PHF21B: variants seen among roughly 807,000 people sequenced by gnomAD.
PHF21B encodes PHD finger protein 4.
Under a neutral mutation model 62.2 loss-of-function variants are expected in PHF21B, and 22 were observed. The ratio of observed to expected loss-of-function variants is 0.35; its 90% CI spans 0.25 to 0.51. The LOEUF is 0.51. PHF21B is among the 20% of genes least tolerant of loss of function. The probability of loss-of-function intolerance (pLI) is 0.97; values close to 1 mark genes in which losing one functional copy is unlikely to be tolerated. For synonymous variants in PHF21B, 341 were observed against 314.7 expected (o/e 1.08, Z -0.88); for missense variants, 701 against 707.9 (o/e 0.99, Z 0.11).
rs138105828 is a variant in PHF21B, at chr22:44,902,875, C to A, written c.832-6792G>T. Among the ~76,000 whole-genome samples, 105 of 152,246 alleles carry A rather than the reference C, an allele frequency of 6.9e-4. 1 individual carries two copies. Among genetic ancestry groups the A allele is most frequent in the African/African-American group, 2.4e-3 (99 of 41,548 alleles). ...AACATAACTAAATGAGCTGAATTTT[C>A]CCATACTGGAGATTTGTAGCAGGTG... On this transcript the variant is annotated intron_variant, in intron 5 of 12. Coordinates refer to ENST00000313237, the MANE Select transcript of PHF21B (RefSeq NM_138415.5).
At chr22:44,895,357 G>T (rs1456473972) in intron 6 of PHF21B, among the ~76,000 whole-genome samples, 1 of 152,134 alleles carries the variant, frequency 6.6e-6, no homozygotes, top group Non-Finnish European at 1.5e-5. Flanking sequence ...TGATGTTCAC[G>T]GCCCATGTGA....
intron 12 of PHF21B, among the ~76,000 whole-genome samples, chr22:44,883,591 C>T (rs2070776073): frequency 6.6e-6 from 1 of 152,168 alleles, no homozygotes; most frequent in Non-Finnish European, 1.5e-5. Flanking sequence ...GCTGCCCACA[C>T]TCTTCCTCCT....
intron 12 of PHF21B, 66 bp downstream of exon 12, chr22:44,885,360 C>T: frequency 7.1e-7 from 1 of 1,418,390 alleles, no homozygotes; most frequent in Non-Finnish European, 9.5e-7. Context: ...ACACATCTAT[C>T]TGTCCCCTAG....
intron 2 of PHF21B, among the ~76,000 whole-genome samples, chr22:44,992,947 T>C (rs1025486229): frequency 6.6e-6 from 1 of 152,202 alleles, no homozygotes; most frequent in Non-Finnish European, 1.5e-5. Context: ...ATGCAGGGAC[T>C]GATTCAGAAA....
chr22:44,922,734 T>C (rs1367633494), intron 2 of PHF21B, among the ~76,000 whole-genome samples: 1 of 152,022 alleles, frequency 6.6e-6, no homozygotes, highest in Non-Finnish European at 1.5e-5. Flanking sequence ...CATCAATAAA[T>C]AAAAATAAGA....
At chr22:44,912,497 A>C (rs1018987309) in intron 5 of PHF21B, among the ~76,000 whole-genome samples, 1 of 151,664 alleles carries the variant, frequency 6.6e-6, no homozygotes, top group Admixed American at 6.6e-5. Context: ...ACAAGATCTG[A>C]TGTGTTTAAA....
chr22:44,996,004 G>T (rs1037847214), intron 2 of PHF21B, among the ~76,000 whole-genome samples: 3 of 152,154 alleles, frequency 2.0e-5, no homozygotes, highest in African/African-American at 7.2e-5. Context: ...GTCCCTTCTG[G>T]CCGGGGATAT....
intron 2 of PHF21B, among the ~76,000 whole-genome samples, chr22:44,957,342 T>G (rs964314673): frequency 6.6e-6 from 1 of 152,224 alleles, no homozygotes; most frequent in African/African-American, 2.4e-5. Flanking sequence ...AAAAACCCTC[T>G]GAAGGTACAA....
At chr22:44,884,170 TCAC>T (rs1446863848) in intron 12 of PHF21B, among the ~76,000 whole-genome samples, 4 of 116,308 alleles carry the variant, frequency 3.4e-5, no homozygotes, top group Admixed American at 1.6e-4. Flanking sequence ...ATCAGCACCA[TCAC>T]CACCATCATT....
At chr22:44,930,520 G>A (rs1300730540) in intron 2 of PHF21B, among the ~76,000 whole-genome samples, 6 of 150,422 alleles carry the variant, frequency 4.0e-5, no homozygotes, top group Non-Finnish European at 5.9e-5. Context: ...TTACCAGTGG[G>A]CAGTCAGGAA....
chr22:44,895,569 C>A (rs1053350135), intron 6 of PHF21B, among the ~76,000 whole-genome samples: 1 of 152,192 alleles, frequency 6.6e-6, no homozygotes, highest in African/African-American at 2.4e-5. Flanking sequence ...GAGGACAGTT[C>A]GGCCATTACC....
At chr22:44,913,788 C>T in intron 5 of PHF21B, 34 bp downstream of exon 5, 1 of 1,591,400 alleles carries the variant, frequency 6.3e-7, no homozygotes, top group Non-Finnish European at 8.6e-7. Context: ...GCAGACTGAG[C>T]AGGGCCTGGG....
intron 2 of PHF21B, among the ~76,000 whole-genome samples, chr22:44,956,554 G>A (rs2147403612): frequency 6.6e-6 from 1 of 152,326 alleles, no homozygotes. Flanking sequence ...TTTAATGGCA[G>A]AAATACTGGG....
intron 4 of PHF21B, among the ~76,000 whole-genome samples, chr22:44,914,435 C>T (rs993147785): frequency 2.6e-5 from 4 of 152,200 alleles, no homozygotes; most frequent in African/African-American, 9.6e-5. Flanking sequence ...CTGGCCACAC[C>T]TCTCCCCAGG....
chr22:44,997,783 C>T (rs1171093705), intron 2 of PHF21B, among the ~76,000 whole-genome samples: 1 of 152,172 alleles, frequency 6.6e-6, no homozygotes, highest in African/African-American at 2.4e-5. Flanking sequence ...TTTCTTTTGC[C>T]TGGGGTAAAA....
At chr22:44,996,443 G>C (rs1417860206) in intron 2 of PHF21B, among the ~76,000 whole-genome samples, 2 of 152,074 alleles carry the variant, frequency 1.3e-5, no homozygotes, top group Non-Finnish European at 2.9e-5. Context: ...CTCATCATCA[G>C]GGTATTCCTC....
intron 5 of PHF21B, among the ~76,000 whole-genome samples, chr22:44,900,501 A>G (rs1348264244): frequency 6.6e-6 from 1 of 152,148 alleles, no homozygotes; most frequent in Non-Finnish European, 1.5e-5. Context: ...GGGTTTCACC[A>G]TGTTGGCCAG....
chr22:44,899,376 C>T (rs910216786), intron 5 of PHF21B, among the ~76,000 whole-genome samples: 5 of 150,814 alleles, frequency 3.3e-5, no homozygotes, highest in Non-Finnish European at 7.4e-5. Flanking sequence ...CTGCAATCTC[C>T]GCCTCCTGGT....
chr22:44,975,488 A>C (rs544285687), intron 2 of PHF21B, among the ~76,000 whole-genome samples: 1 of 152,298 alleles, frequency 6.6e-6, no homozygotes, highest in African/African-American at 2.4e-5. Context: ...GAGTCCCCTC[A>C]TGAGTCGCAA....
Sources: gnomAD v4.1 joint callset for allele counts (sites outside exome capture counted in the v4.1 genomes callset) on GRCh38, gnomAD v4.1.1 for gene constraint, MANE v1.5 for transcripts, NCBI Gene and HGNC (gene_info 2026-07-23, HGNC 2026-07-21) for gene names.